Variants in OXR1 observed in about 807,000 individuals in gnomAD.
OXR1 encodes oxidation resistance protein 1.
In OXR1, 41 loss-of-function variants were observed where a neutral mutation model predicts 104.6. The observed-to-expected ratio is 0.39, with a 90% CI of 0.31 to 0.51. The LOEUF is 0.51. Among genes scored for constraint, OXR1 ranks in the 20% least tolerant of loss-of-function variants. The pLI, the probability that OXR1 is intolerant of heterozygous loss-of-function variation, is 0.77. For synonymous variants in OXR1, 348 were observed against 348.4 expected (o/e 1.00, Z 0.01); for missense variants, 955 against 1,031.9 (o/e 0.93, Z 1.02).
chr8:106,589,387 T>C (rs2130684486), intron 3 of OXR1, among the ~76,000 whole-genome samples: 1 of 152,040 alleles, frequency 6.6e-6, no homozygotes, highest in Non-Finnish European at 1.5e-5. Context: ...CATTTATTTT[T>C]ATGCCTTTCT....
chr8:106,488,274 G>GT (rs1586708927), intron 2 of OXR1, among the ~76,000 whole-genome samples: 1 of 133,696 alleles, frequency 7.5e-6, no homozygotes, highest in Non-Finnish European at 1.6e-5. Flanking sequence ...GGGGTTGTTT[G>GT]TTTTTTTCTT....
intron 3 of OXR1, among the ~76,000 whole-genome samples, chr8:106,548,926 A>G (rs762282519): frequency 1.3e-5 from 2 of 152,236 alleles, no homozygotes; most frequent in Non-Finnish European, 2.9e-5. Context: ...TTGTCTAAAC[A>G]TCCAATCACA....
chr8:106,488,716 C>G lies in OXR1; in HGVS notation c.24-30227C>G, dbSNP rs375567980. ...CATTGCTTGTTTTTCTCAGGTTTGTCAAAGATCAGATAGTTGTAGTTATGT... is the reference window on the plus strand; with the variant it reads ...CATTGCTTGTTTTTCTCAGGTTTGTGAAAGATCAGATAGTTGTAGTTATGT... On this transcript the variant is annotated intron_variant, in intron 2 of 16. Transcript: ENST00000517566. Among the ~76,000 whole-genome samples, 45 of 141,824 alleles carry G rather than the reference C, an allele frequency of 3.2e-4. No individual in the cohort carries two copies. In the East Asian group the frequency reaches 8.4e-3, roughly 26 times the overall value. 93.0% of individuals were successfully genotyped at this position (141,824 alleles called of 152,430 possible).
At chr8:106,456,564 G>A (rs970072336) in intron 2 of OXR1, among the ~76,000 whole-genome samples, 1 of 152,100 alleles carries the variant, frequency 6.6e-6, no homozygotes, top group African/African-American at 2.4e-5. Context: ...ATTTGAAGAA[G>A]AAACAAATGG....
chr8:106,435,747 C>T (rs992244645), intron 2 of OXR1, among the ~76,000 whole-genome samples: 3 of 152,174 alleles, frequency 2.0e-5, no homozygotes, highest in Non-Finnish European at 4.4e-5. Context: ...TTCTTCGCCA[C>T]CATAGCATGT....
intron 11 of OXR1, among the ~76,000 whole-genome samples, chr8:106,725,040 G>A (rs1833189925): frequency 6.6e-6 from 1 of 152,158 alleles, no homozygotes; most frequent in Non-Finnish European, 1.5e-5. Flanking sequence ...GGGGTGGAGT[G>A]TGACCACAAT....
At position 106,702,924 on chromosome 8, in the gene OXR1, C is replaced by G. The variant is rs376686752; in HGVS notation, c.694C>G (p.Leu232Val). The G allele has an allele frequency of 6.2e-7, 1 of 1,612,948 alleles. No individual in the cohort carries two copies. Among genetic ancestry groups the G allele is most frequent in the Non-Finnish European group, 8.5e-7 (1 of 1,179,168 alleles). ...TSGKGTVSGV[L>V]LVTPNNIMFD... ...ACCTTAGGGCACAGTCAGTGGTGTG[C>G]TGCTAGTTACACCAAATAATATAAT... The change falls in exon 8 of 17, where the codon CTG (leucine) becomes GTG (valine). Residue 232 changes from leucine (L) to valine (V), a missense_variant. By Grantham distance (32) the Leu-to-Val change is conservative (BLOSUM62 1). This residue lies in a region of OXR1 where 849 missense variants were observed against 852.9 expected (regional missense o/e 1.00). Transcript: ENST00000517566.
At chr8:106,373,742 A>G (rs1024259586) in intron 2 of OXR1, among the ~76,000 whole-genome samples, 2 of 152,124 alleles carry the variant, frequency 1.3e-5, no homozygotes, top group Non-Finnish European at 2.9e-5. Context: ...AGTGTGTGCC[A>G]TCACACCTGG....
At chr8:106,363,557 G>GTT (rs112875800) in intron 2 of OXR1, among the ~76,000 whole-genome samples, 8 of 141,832 alleles carry the variant, frequency 5.6e-5, no homozygotes, top group African/African-American at 1.3e-4. Flanking sequence ...GCATATATTC[G>GTT]TTTTTTTTTT....
chr8:106,618,205 GT>G, intron 3 of OXR1: 1 of 1,526,020 alleles, frequency 6.6e-7, no homozygotes, highest in African/African-American at 1.4e-5. Context: ...TGCTCTCTTA[GT>G]GGCTTTAAAT....
At chr8:106,662,511 G>A (rs1177250742) in intron 3 of OXR1, among the ~76,000 whole-genome samples, 1 of 152,160 alleles carries the variant, frequency 6.6e-6, no homozygotes, top group Non-Finnish European at 1.5e-5. Context: ...CATGGAAAAT[G>A]TAAACCAAGA....
chr8:106,532,556 C>G (rs2130250149), intron 3 of OXR1, among the ~76,000 whole-genome samples: 1 of 152,108 alleles, frequency 6.6e-6, no homozygotes, highest in East Asian at 1.9e-4. Context: ...AATTAAAAAG[C>G]AAATTATCAG....
chr8:106,653,159 T>A (rs1377770987), intron 3 of OXR1, among the ~76,000 whole-genome samples: 1 of 150,920 alleles, frequency 6.6e-6, no homozygotes, highest in African/African-American at 2.4e-5. Flanking sequence ...GCCAGATGGC[T>A]TCAATGGTGA....
At chr8:106,422,263 A>G (rs1818935171) in intron 2 of OXR1, among the ~76,000 whole-genome samples, 1 of 152,188 alleles carries the variant, frequency 6.6e-6, no homozygotes, top group South Asian at 2.1e-4. Context: ...AAGAATTGAT[A>G]AGCTCCACTA....
intron 1 of OXR1, among the ~76,000 whole-genome samples, chr8:106,351,072 G>T (rs1443694526): frequency 6.6e-6 from 1 of 152,026 alleles, no homozygotes; most frequent in African/African-American, 2.4e-5. Context: ...TATAAATACG[G>T]CTCCAAATTA....
chr8:106,628,798 C>T (rs1045456483), intron 3 of OXR1, among the ~76,000 whole-genome samples: 1 of 152,128 alleles, frequency 6.6e-6, no homozygotes, highest in African/African-American at 2.4e-5. Context: ...ACGTATGCAG[C>T]ACTGTGTCTC....
chr8:106,685,272 A>C (rs1446591709), intron 6 of OXR1, among the ~76,000 whole-genome samples: 1 of 152,250 alleles, frequency 6.6e-6, no homozygotes, highest in African/African-American at 2.4e-5. Flanking sequence ...TTACAAAGAG[A>C]TGTACTCATA....
chr8:106,696,905 G>A (rs1345570514), intron 7 of OXR1, among the ~76,000 whole-genome samples: 1 of 152,202 alleles, frequency 6.6e-6, no homozygotes, highest in African/African-American at 2.4e-5. Flanking sequence ...TGCCCCAGAT[G>A]TGTGGTGAGC....
At chr8:106,368,849 C>T (rs766552792) in intron 2 of OXR1, among the ~76,000 whole-genome samples, 1 of 152,140 alleles carries the variant, frequency 6.6e-6, no homozygotes, top group Non-Finnish European at 1.5e-5. Flanking sequence ...GTAAATAGTG[C>T]TGCAATAAAC....
Sources: allele counts gnomAD v4.1 joint callset (sites outside exome capture counted in the v4.1 genomes callset), GRCh38; gene constraint gnomAD v4.1.1; regional missense constraint gnomAD v4.1.1; transcripts MANE v1.5; gene names NCBI Gene and HGNC (gene_info 2026-07-23, HGNC 2026-07-21).